The following PDE4B variants were observed in gnomAD, a reference collection of about 807,000 sequenced individuals.
The protein encoded by PDE4B is phosphodiesterase 4B, also known as 3',5'-cyclic-AMP phosphodiesterase 4B.
In PDE4B, 20 loss-of-function variants were observed where a neutral mutation model predicts 82.2. The observed-to-expected ratio is 0.24, with a 90% CI of 0.17 to 0.35. PDE4B has a LOEUF of 0.35. Ranked by LOEUF, PDE4B falls within the 10% of genes least tolerant of loss-of-function variation. The pLI, the probability that PDE4B is intolerant of heterozygous loss-of-function variation, is 1.00. For synonymous variants in PDE4B, 320 were observed against 318.9 expected, an observed-to-expected ratio of 1.00 and a Z score of -0.04; for missense variants, 655 against 907.2, an observed-to-expected ratio of 0.72 and a Z score of 3.57.
chr1:66,313,225 C>T (rs1231388025), intron 7 of PDE4B, among the ~76,000 whole-genome samples: 7 of 152,192 alleles, frequency 4.6e-5, no homozygotes, highest in Non-Finnish European at 1.0e-4. Context: ...CGTGCCAATG[C>T]ATAACTTCCA....
intron 3 of PDE4B, among the ~76,000 whole-genome samples, chr1:66,211,793 G>A (rs1331918166): frequency 1.3e-5 from 2 of 152,218 alleles, no homozygotes; most frequent in Non-Finnish European, 2.9e-5. Context: ...TGTTTTCAGT[G>A]TATCATAGAA....
intron 3 of PDE4B, among the ~76,000 whole-genome samples, chr1:66,216,754 G>C (rs1650495107): frequency 6.6e-6 from 1 of 152,156 alleles, no homozygotes; most frequent in Non-Finnish European, 1.5e-5. Context: ...TAATGGAAAA[G>C]AGATGCAGAA....
intron 1 of PDE4B, among the ~76,000 whole-genome samples, chr1:65,831,015 G>T (rs992970829): frequency 9.9e-5 from 15 of 151,886 alleles, no homozygotes; most frequent in African/African-American, 3.6e-4. Flanking sequence ...AAAATTTGTG[G>T]GATGCTACTA....
intron 8 of PDE4B, among the ~76,000 whole-genome samples, chr1:66,339,705 C>CA (rs1553172682): frequency 6.6e-6 from 1 of 151,988 alleles, no homozygotes; most frequent in Non-Finnish European, 1.5e-5. Context: ...TTTAGATTGT[C>CA]AAATGTAAAT....
chr1:66,147,691 T>A (rs1646303822), intron 3 of PDE4B, among the ~76,000 whole-genome samples: 1 of 152,212 alleles, frequency 6.6e-6, no homozygotes, highest in South Asian at 2.1e-4. Context: ...AATAGGGTGC[T>A]TCCAGTGGGG....
chr1:66,226,236 C>G (rs1261629264), intron 3 of PDE4B, among the ~76,000 whole-genome samples: 1 of 152,048 alleles, frequency 6.6e-6, no homozygotes, highest in Non-Finnish European at 1.5e-5. Context: ...TTTAAAATAT[C>G]TTTGTTGAGG....
At chr1:65,887,879 A>T (rs4326601) in intron 1 of PDE4B, among the ~76,000 whole-genome samples, 151,796 of 152,286 alleles carry the variant, frequency 1, 75,655 homozygotes, top group East Asian at 1. Context: ...TTGCAAATAG[A>T]TTATTCCAGT....
Position 66,054,829 on chromosome 1 carries a change from T to C in PDE4B, c.281+135994T>C, listed in dbSNP as rs115335960. Reference sequence around the variant, plus strand: ...TTCTGTCATGGTTCCTCCTTATCTATAGGCCCTTCCTTCTCAAAGTGTTAT... The same window carrying C: ...TTCTGTCATGGTTCCTCCTTATCTACAGGCCCTTCCTTCTCAAAGTGTTAT... On this transcript the variant is annotated intron_variant, in intron 3 of 16. Transcript: ENST00000341517. 7.3e-3 allele frequency among the ~76,000 whole-genome samples: 1,105 copies of C among 152,296 alleles called. 17 individuals are homozygous for C. The highest frequency in any genetic ancestry group is 0.025 in the African/African-American group (1,027 of 41,554).
intron 3 of PDE4B, among the ~76,000 whole-genome samples, chr1:66,089,866 A>T (rs1203799090): frequency 2.0e-5 from 3 of 152,064 alleles, no homozygotes; most frequent in African/African-American, 7.2e-5. Flanking sequence ...TTATTTTTCT[A>T]TCATGATCTG....
rs1038651129 is a variant in PDE4B at position 66,354,502 on chromosome 1, A to T, written c.748-1025A>T. On this transcript the variant is annotated intron_variant, in intron 8 of 16. Coordinates refer to ENST00000341517, the MANE Select transcript of PDE4B (RefSeq NM_002600.4). ...AGTAGGACTAATGTAGAAGAGTGGAAACCCCTTCGGCCACCAGGGCTATTC... is the reference window on the plus strand; with the variant it reads ...AGTAGGACTAATGTAGAAGAGTGGATACCCCTTCGGCCACCAGGGCTATTC... The T allele has an allele frequency of 3.8e-6, 4 of 1,059,518 alleles. No homozygotes were observed. The African/African-American group carries it at 6.7e-5, about 18-fold the overall frequency. The allele number at this position is 1,059,518 out of a possible 1,614,324, so 65.6% of individuals were successfully genotyped here.
intron 3 of PDE4B, among the ~76,000 whole-genome samples, chr1:66,073,523 T>A (rs1656268205): frequency 6.6e-6 from 1 of 152,004 alleles, no homozygotes; most frequent in Admixed American, 6.6e-5. Flanking sequence ...TACACCCAGC[T>A]CATATCACCC....
At chr1:66,060,939 T>C (rs1200334585) in intron 3 of PDE4B, among the ~76,000 whole-genome samples, 1 of 151,856 alleles carries the variant, frequency 6.6e-6, no homozygotes, top group Non-Finnish European at 1.5e-5. Flanking sequence ...AAAATAGGTG[T>C]AATACATATA....
intron 3 of PDE4B, among the ~76,000 whole-genome samples, chr1:65,919,318 A>C (rs892863355): frequency 6.6e-6 from 1 of 152,234 alleles, no homozygotes; most frequent in African/African-American, 2.4e-5. Flanking sequence ...AAATTGAAAG[A>C]GTAATGAAAA....
intron 3 of PDE4B, among the ~76,000 whole-genome samples, chr1:66,150,848 T>A (rs1008505700): frequency 1.3e-5 from 2 of 152,192 alleles, no homozygotes; most frequent in Non-Finnish European, 2.9e-5. Context: ...TTAACTTTCG[T>A]ATGTTAAACC....
At chr1:66,166,161 A>G (rs2101301430) in intron 3 of PDE4B, among the ~76,000 whole-genome samples, 1 of 152,324 alleles carries the variant, frequency 6.6e-6, no homozygotes, top group South Asian at 2.1e-4. Flanking sequence ...CCTTTTCAAC[A>G]AATAATACAG....
chr1:66,294,059 A>G (rs952442442), intron 7 of PDE4B, among the ~76,000 whole-genome samples: 1 of 152,158 alleles, frequency 6.6e-6, no homozygotes, highest in Non-Finnish European at 1.5e-5. Context: ...TACAAAAATT[A>G]GCCAGGTGTG....
At chr1:66,202,793 CTT>C (rs1167704976) in intron 3 of PDE4B, among the ~76,000 whole-genome samples, 1 of 152,070 alleles carries the variant, frequency 6.6e-6, no homozygotes, top group Non-Finnish European at 1.5e-5. Flanking sequence ...GGTCTTGACT[CTT>C]TATCCAATTT....
At chr1:65,891,298 G>T (rs1646850645) in intron 1 of PDE4B, among the ~76,000 whole-genome samples, 1 of 152,044 alleles carries the variant, frequency 6.6e-6, no homozygotes, top group Non-Finnish European at 1.5e-5. Context: ...TCTAATGACA[G>T]GCATCTGCTC....
rs1645655676 is a variant in PDE4B at position 65,798,306 on chromosome 1, C to T, written c.-71+5058C>T. Among the ~76,000 whole-genome samples the T allele has an allele frequency of 3.0e-5, 2 of 66,574 alleles. 1 individual carries two copies. Among genetic ancestry groups the T allele is most frequent in the Admixed American group, 3.7e-4 (2 of 5,460 alleles). 43.7% of individuals were successfully genotyped at this position (66,574 alleles called of 152,430 possible). ...TCGCTCTGTCGCCCAGGTCGGACTGCGGACTGCAGTGGCGCAATCTCGGCT... is the reference window on the plus strand; with the variant it reads ...TCGCTCTGTCGCCCAGGTCGGACTGTGGACTGCAGTGGCGCAATCTCGGCT... On this transcript the variant is annotated intron_variant, in intron 1 of 16. Transcript: ENST00000341517.
Sources: gnomAD v4.1 joint callset for allele counts (sites outside exome capture counted in the v4.1 genomes callset) on GRCh38, gnomAD v4.1.1 for gene constraint, MANE v1.5 for transcripts, NCBI Gene and HGNC (gene_info 2026-07-23, HGNC 2026-07-21) for gene names.